Variants in HPSE2 observed in about 807,000 individuals in gnomAD.
HPSE2 encodes the protein heparanase 2 (inactive), also known as inactive heparanase-2.
A neutral mutation model predicts 60.5 loss-of-function variants in HPSE2; 38 were observed. That is an observed-to-expected ratio of 0.63 (90% CI 0.48 to 0.82). The LOEUF is 0.82. HPSE2 is among the 40% of genes least tolerant of loss of function. The pLI is 0.00. For synonymous variants in HPSE2, 295 were observed against 293.2 expected (o/e 1.01, Z -0.06); for missense variants, 713 against 740.4 (o/e 0.96, Z 0.43).
At chr10:98,885,603 CAT>C (rs776508313) in intron 3 of HPSE2, among the ~76,000 whole-genome samples, 11 of 152,236 alleles carry the variant, frequency 7.2e-5, no homozygotes, top group African/African-American at 9.6e-5. Flanking sequence ...CATTTGTCAA[CAT>C]AGAGACAAGG....
intron 5 of HPSE2, among the ~76,000 whole-genome samples, chr10:98,710,903 C>G (rs1948661417): frequency 1.3e-5 from 2 of 152,074 alleles, no homozygotes; most frequent in Non-Finnish European, 2.9e-5. Context: ...AGTGCCAGGC[C>G]CTGTTTACTA....
chr10:98,489,432 T>C (rs1941560516), intron 10 of HPSE2, among the ~76,000 whole-genome samples: 1 of 152,372 alleles, frequency 6.6e-6, no homozygotes, highest in Middle Eastern at 3.4e-3. Context: ...CATTAGGTTG[T>C]TGTCCAGAGC....
At position 99,184,819 on chromosome 10, in the gene HPSE2, TAGAGAGAGAGAGAGAG is replaced by T. The variant is rs1177556672; in HGVS notation, c.449-40436_449-40421del. Among the ~76,000 whole-genome samples the T allele has an allele frequency of 1.2e-3, 24 of 19,862 alleles. 1 individual carries two copies. The highest frequency in any genetic ancestry group is 2.3e-3 in the South Asian group (1 of 440). The allele number at this position is 19,862 out of a possible 152,430, so 13.0% of individuals were successfully genotyped here. On this transcript the variant is annotated intron_variant, in intron 2 of 11. Transcript: ENST00000370552. ...ATATATATATATATATATATATATA[TAGAGAGAGAGAGAGAG>T]AGAGAGAGAGAGAGAGAGAGAGAGA... is the stretch of plus-strand genomic sequence containing the variant.
chr10:99,118,658 C>T (rs948647662), intron 3 of HPSE2, among the ~76,000 whole-genome samples: 2 of 152,108 alleles, frequency 1.3e-5, no homozygotes, highest in Non-Finnish European at 2.9e-5. Flanking sequence ...GATAGCCTCT[C>T]TCACCACTCC....
chr10:98,896,078 A>C (rs1008585753), intron 3 of HPSE2, among the ~76,000 whole-genome samples: 5 of 151,880 alleles, frequency 3.3e-5, no homozygotes, highest in African/African-American at 1.2e-4. Context: ...TAAAACTTAA[A>C]GTATAATAAT....
intron 6 of HPSE2, among the ~76,000 whole-genome samples, chr10:98,644,407 AGAACTT>A (rs748355207): frequency 4.6e-5 from 7 of 152,220 alleles, no homozygotes; most frequent in South Asian, 2.1e-4. Context: ...TATCCGCTGT[AGAACTT>A]GGAGTGAGGA....
chr10:98,528,377 C>A (rs2133793449), intron 9 of HPSE2, among the ~76,000 whole-genome samples: 1 of 152,250 alleles, frequency 6.6e-6, no homozygotes, highest in East Asian at 1.9e-4. Context: ...TAGATACTTA[C>A]ATTCTCTGAG....
chr10:98,803,398 T>C (rs1192669865), intron 3 of HPSE2, among the ~76,000 whole-genome samples: 3 of 150,960 alleles, frequency 2.0e-5, no homozygotes, highest in South Asian at 2.1e-4. Flanking sequence ...TCCTTGCCCA[T>C]GCCTATGTCC....
At chr10:98,797,245 C>T (rs1212330225) in intron 3 of HPSE2, among the ~76,000 whole-genome samples, 1 of 151,980 alleles carries the variant, frequency 6.6e-6, no homozygotes, top group Non-Finnish European at 1.5e-5. Flanking sequence ...TTCAAGGTAA[C>T]ACAGAGAAAG....
At chr10:98,864,626 T>C (rs1198402103) in intron 3 of HPSE2, among the ~76,000 whole-genome samples, 1 of 152,164 alleles carries the variant, frequency 6.6e-6, no homozygotes, top group African/African-American at 2.4e-5. Context: ...GGAAACACTA[T>C]ACATGGTACA....
intron 3 of HPSE2, among the ~76,000 whole-genome samples, chr10:98,752,932 G>A (rs1056678843): frequency 1.3e-5 from 2 of 152,164 alleles, no homozygotes; most frequent in African/African-American, 2.4e-5. Flanking sequence ...AGTGAAATAA[G>A]CCAGGCACAG....
chr10:99,311,905 G>A, the HPSE2 span, among the ~76,000 whole-genome samples: 5 of 152,184 alleles, frequency 3.3e-5, no homozygotes, highest in Admixed American at 6.5e-5. Flanking sequence ...ACACACAAAT[G>A]ATAAGAAACT....
intron 3 of HPSE2, among the ~76,000 whole-genome samples, chr10:98,811,980 A>T (rs1256007325): frequency 1.3e-5 from 2 of 152,114 alleles, no homozygotes; most frequent in Non-Finnish European, 2.9e-5. Context: ...AATTGTTAGG[A>T]TATAGAAATA....
At chr10:98,459,863 T>C in intron 11 of HPSE2, 124 bp from the exon 12 acceptor site, 1 of 927,008 alleles carries the variant, frequency 1.1e-6, no homozygotes, top group Admixed American at 2.0e-5. Context: ...TTATTGTTAC[T>C]GGCTATGCCC....
At chr10:98,496,220 T>C (rs960750147) in intron 9 of HPSE2, among the ~76,000 whole-genome samples, 1 of 152,118 alleles carries the variant, frequency 6.6e-6, no homozygotes, top group East Asian at 1.9e-4. Context: ...GTATACACAG[T>C]TGCTTTTGAA....
intron 9 of HPSE2, among the ~76,000 whole-genome samples, chr10:98,521,032 A>G (rs1309333898): frequency 6.6e-6 from 1 of 152,214 alleles, no homozygotes; most frequent in African/African-American, 2.4e-5. Flanking sequence ...AAAACCATAA[A>G]ATCCCTAGAA....
intron 9 of HPSE2, among the ~76,000 whole-genome samples, chr10:98,537,712 C>A (rs1052017735): frequency 6.6e-6 from 1 of 152,106 alleles, no homozygotes; most frequent in African/African-American, 2.4e-5. Context: ...CTTAGCAGAC[C>A]GCGAAAGGGA....
intron 3 of HPSE2, among the ~76,000 whole-genome samples, chr10:98,974,782 T>G (rs1028006486): frequency 6.6e-6 from 1 of 152,178 alleles, no homozygotes; most frequent in African/African-American, 2.4e-5. Flanking sequence ...TTGTATCACC[T>G]TATTCCCTTT....
chr10:99,270,630 T>G, the HPSE2 span, among the ~76,000 whole-genome samples: 1 of 152,148 alleles, frequency 6.6e-6, no homozygotes. Context: ...CCCTAAATTA[T>G]TCTATGAAGC....
Sources: gnomAD v4.1 joint callset for allele counts (sites outside exome capture counted in the v4.1 genomes callset) on GRCh38, gnomAD v4.1.1 for gene constraint, MANE v1.5 for transcripts, NCBI Gene and HGNC (gene_info 2026-07-23, HGNC 2026-07-21) for gene names.